The following ITFG1 variants were observed in gnomAD, a reference collection of about 807,000 sequenced individuals.
ITFG1 encodes integrin alpha FG-GAP repeat containing 1, also known as T-cell immunomodulatory protein.
In ITFG1, 34 loss-of-function variants were observed where a neutral mutation model predicts 81.8. That is an observed-to-expected ratio of 0.42 (90% confidence interval 0.32 to 0.55). The LOEUF (loss-of-function observed/expected upper bound fraction) is 0.55. Among genes scored for constraint, ITFG1 ranks in the 20% least tolerant of loss-of-function variants. The pLI, the probability that ITFG1 is intolerant of heterozygous loss-of-function variation, is 0.17. For synonymous variants in ITFG1, 285 were observed against 270.6 expected, an observed-to-expected ratio of 1.05 and a Z score of -0.52; for missense variants, 672 against 755.4, an observed-to-expected ratio of 0.89 and a Z score of 1.29.
At chr16:47,184,757 G>C (rs1965186866) in intron 14 of ITFG1, among the ~76,000 whole-genome samples, 1 of 151,718 alleles carries the variant, frequency 6.6e-6, no homozygotes, top group South Asian at 2.1e-4. Context: ...CATAATGACA[G>C]GACCAAATTC....
At position 47,203,656 on chromosome 16, in the gene ITFG1, G is replaced by C. The variant is rs534922152; in HGVS notation, c.1453+15212C>G. ...TCTAATGCAGCGGCTGATCTGACAG[G>C]AGGCAGAGCTCAGGCTATAATGTGA... On this transcript the variant is annotated intron_variant, in intron 14 of 17. Transcript: ENST00000320640. 2.0e-5 allele frequency among the ~76,000 whole-genome samples: 3 copies of C among 152,322 alleles called. No individual in the cohort carries two copies. In the South Asian group the frequency reaches 6.2e-4, roughly 32 times the overall value.
rs1426078876 is a variant in ITFG1, at chr16:47,341,519, T to C, written c.802+24269A>G. Among the ~76,000 whole-genome samples, 7 of 150,696 alleles carry C rather than the reference T, an allele frequency of 4.6e-5. No individual in the cohort carries two copies. The East Asian group carries it at 9.7e-4, about 21-fold the overall frequency. ...AAAGGCAGTACTTGGGGGCAATTCA[T>C]AGCTTTAGAAGAAAAAAGATCTCAA... On this transcript the variant is annotated intron_variant, in intron 8 of 17. Transcript: ENST00000320640.
chr16:47,415,697 C>T (rs1567492463), intron 6 of ITFG1, among the ~76,000 whole-genome samples: 1 of 152,192 alleles, frequency 6.6e-6, no homozygotes, highest in East Asian at 1.9e-4. Flanking sequence ...TGGATCCAAT[C>T]ATCCAATGAT....
At position 47,162,550 on chromosome 16, in the gene ITFG1, G is replaced by T. The variant is rs747483079; in HGVS notation, c.1568C>A (p.Ser523Tyr). 4.1e-5 allele frequency: 65 copies of T among 1,600,912 alleles called. 1 individual carries two copies. Among genetic ancestry groups the T allele is most frequent in the Middle Eastern group, 1.7e-4 (1 of 6,042 alleles). ...TGAATTTTTACTCACTTTTTCTCCA[G>T]ATGGACGGGGAATACCAACGTAGAG... ...DHLYVGIPRP[S>Y]GEKSIRKQEW... The change falls in exon 15 of 18, where the codon TCT becomes TAT. Residue 523 changes from serine to tyrosine, a missense_variant. This residue lies in a region of ITFG1 where 560 missense variants were observed against 625.7 expected (regional missense o/e 0.90). Transcript: ENST00000320640.
At chr16:47,442,739 C>G (rs1417309897) in intron 5 of ITFG1, among the ~76,000 whole-genome samples, 3 of 152,118 alleles carry the variant, frequency 2.0e-5, no homozygotes, top group African/African-American at 7.2e-5. Context: ...ACACCTTATA[C>G]AAAAATTAAT....
chr16:47,269,044 T>A (rs948468940), intron 10 of ITFG1, among the ~76,000 whole-genome samples: 1 of 152,158 alleles, frequency 6.6e-6, no homozygotes, highest in African/African-American at 2.4e-5. Context: ...AGACCTACAG[T>A]GAACATCATA....
Position 47,428,852 on chromosome 16 carries a change from T to C in ITFG1, c.607A>G (p.Ile203Val). Residue 203 changes from isoleucine (I) to valine (V), a missense_variant, in exon 6 of 18, where the codon ATT becomes GTT. Coordinates refer to ENST00000320640, the MANE Select transcript of ITFG1 (RefSeq NM_030790.5). ...TCAATAAATGCATGAGAATGTGGAA[T>C]TCGCATTTTACTTGTAGTGGTCAAT... The part of the protein sequence containing the change: ...PALTTTSKMR[I>V]PHSHAFIDLT... 1 of 1,611,016 alleles carries C rather than the reference T, an allele frequency of 6.2e-7. No individual in the cohort carries two copies. The highest frequency in any genetic ancestry group is 1.3e-5 in the African/African-American group (1 of 75,012).
intron 12 of ITFG1, 86 bp from the exon 13 acceptor site, chr16:47,238,094 TACTCTATTG>T: frequency 2.8e-6 from 2 of 704,288 alleles, no homozygotes; most frequent in Non-Finnish European, 4.8e-6. Context: ...TCCATTAATA[TACTCTATTG>T]ATTCATAATC....
At position 47,454,101 on chromosome 16, in the gene ITFG1, T is replaced by C; in HGVS notation, c.339A>G (p.Gln113=). 3.7e-6 allele frequency: 6 copies of C among 1,604,252 alleles called. No individual in the cohort carries two copies. Among genetic ancestry groups the C allele is most frequent in the Non-Finnish European group, 5.1e-6 (6 of 1,171,382 alleles). ...GAAGATATGTCAGAAGGACATCCAT[T>C]TGAGAATCTCCATCATAATCCCCAG... is the stretch of plus-strand genomic sequence containing the variant. The part of the protein sequence containing the change: ...VVPGDYDGDS[Q]MDVLLTYLPK... Residue 113 remains glutamine, a synonymous_variant, in exon 3 of 18, where the codon CAA becomes CAG. Transcript: ENST00000320640.
intron 6 of ITFG1, among the ~76,000 whole-genome samples, chr16:47,407,501 T>C (rs1193812033): frequency 6.6e-6 from 1 of 152,092 alleles, no homozygotes; most frequent in Non-Finnish European, 1.5e-5. Flanking sequence ...CAGACATGCC[T>C]GGCTAATTTT....
chr16:47,379,259 T>C (rs1373355862), intron 6 of ITFG1, among the ~76,000 whole-genome samples: 1 of 152,188 alleles, frequency 6.6e-6, no homozygotes, highest in East Asian at 1.9e-4. Context: ...ACTCTGTTTC[T>C]GTCTCATGCC....
intron 14 of ITFG1, among the ~76,000 whole-genome samples, chr16:47,191,773 C>T (rs1965296466): frequency 6.6e-6 from 1 of 152,102 alleles, no homozygotes; most frequent in South Asian, 2.1e-4. Flanking sequence ...CTTTGGCCTG[C>T]CCAAGTGCTG....
chr16:47,333,106 G>A (rs1967656669), intron 8 of ITFG1, among the ~76,000 whole-genome samples: 1 of 151,852 alleles, frequency 6.6e-6, no homozygotes, highest in African/African-American at 2.4e-5. Context: ...TACACATGAA[G>A]GGTATGTCCT....
intron 14 of ITFG1, among the ~76,000 whole-genome samples, chr16:47,185,028 A>C (rs1965191938): frequency 6.6e-6 from 1 of 151,468 alleles, no homozygotes; most frequent in Non-Finnish European, 1.5e-5. Flanking sequence ...AAAAGAGACA[A>C]AGAAGGCCAT....
intron 14 of ITFG1, among the ~76,000 whole-genome samples, chr16:47,179,622 A>T (rs919552460): frequency 2.0e-5 from 3 of 150,218 alleles, no homozygotes; most frequent in African/African-American, 7.6e-5. Context: ...ATATACCTTC[A>T]TAAAGTTGTT....
intron 14 of ITFG1, among the ~76,000 whole-genome samples, chr16:47,184,627 A>C (rs1965184470): frequency 6.6e-6 from 1 of 152,066 alleles, no homozygotes; most frequent in South Asian, 2.1e-4. Flanking sequence ...TCCTGAAGGA[A>C]GCGCTAAACA....
chr16:47,258,717 T>A lies in ITFG1; in HGVS notation c.1245A>T (p.Leu415=). ...YEDGILDIVV[L]SKGYTKNDFA... The stretch of plus-strand genomic sequence containing the variant: ...AATCATTCTTTGTATATCCTTTACT[T>A]AGCACTACAATGTCCAAGATTCCCT... The change falls in exon 12 of 18, where the codon CTA becomes CTT. Residue 415 remains leucine (L), a synonymous_variant. Coordinates refer to ENST00000320640, the MANE Select transcript of ITFG1 (RefSeq NM_030790.5). 6.5e-7 allele frequency: 1 copy of A among 1,542,660 alleles called. No homozygotes were observed. Among genetic ancestry groups the A allele is most frequent in the Non-Finnish European group, 8.8e-7 (1 of 1,136,392 alleles).
At chr16:47,385,882 G>C (rs894193111) in intron 6 of ITFG1, among the ~76,000 whole-genome samples, 1 of 152,176 alleles carries the variant, frequency 6.6e-6, no homozygotes, top group African/African-American at 2.4e-5. Flanking sequence ...AGACAGGACA[G>C]TTCTAATGCT....
At chr16:47,260,766 C>G (rs765976547) in intron 10 of ITFG1, 71 bp from the exon 11 acceptor site, 154 of 1,493,438 alleles carry the variant, frequency 1.0e-4, no homozygotes, top group Middle Eastern at 6.9e-4. Context: ...GTAGTATTTC[C>G]TAGATTAAAA....
Sources: allele counts gnomAD v4.1 joint callset (sites outside exome capture counted in the v4.1 genomes callset), GRCh38; gene constraint gnomAD v4.1.1; regional missense constraint gnomAD v4.1.1; transcripts MANE v1.5; gene names NCBI Gene and HGNC (gene_info 2026-07-23, HGNC 2026-07-21).